The following LUC7L2 variants were observed in gnomAD, a reference collection of about 807,000 sequenced individuals.
LUC7L2 encodes the protein putative RNA-binding protein Luc7-like 2.
Under a neutral mutation model 52.8 loss-of-function variants are expected in LUC7L2, and 25 were observed. The observed-to-expected ratio is 0.47, with a 90% CI of 0.34 to 0.66. LUC7L2 has a LOEUF of 0.66. Ranked by LOEUF, LUC7L2 falls within the 30% of genes least tolerant of loss-of-function variation. The pLI, the probability that LUC7L2 is intolerant of heterozygous loss-of-function variation, is 0.01. For missense variants in LUC7L2, 328 were observed against 497.8 expected, an observed-to-expected ratio of 0.66 and a Z score of 3.25; for synonymous variants, 144 against 160.9, an observed-to-expected ratio of 0.89 and a Z score of 0.80.
chr7:139,405,810 C>G lies in LUC7L2; in HGVS notation c.510+23C>G, dbSNP rs186581982. On this transcript the variant is annotated intron_variant, in intron 5 of 9. Transcript: ENST00000354926. Reference sequence around the variant, plus strand: ...GAGGTAAATTCTTAATAGTAGTAGACGAATTCTGCTTAATTTGGTAAGACT... The same window carrying G: ...GAGGTAAATTCTTAATAGTAGTAGAGGAATTCTGCTTAATTTGGTAAGACT... The G allele has an allele frequency of 1.9e-6, 3 of 1,570,384 alleles. No homozygotes were observed. In the African/African-American group the frequency reaches 4.1e-5, roughly 22 times the overall value.
At chr7:139,353,865 A>T (rs1198485060) in intron 1 of LUC7L2, among the ~76,000 whole-genome samples, 1 of 152,180 alleles carries the variant, frequency 6.6e-6, no homozygotes, top group African/African-American at 2.4e-5. Flanking sequence ...CTGTAATCCC[A>T]GCACTTTGAG....
intron 8 of LUC7L2, among the ~76,000 whole-genome samples, chr7:139,415,812 C>G (rs1338153178): frequency 6.6e-6 from 1 of 151,836 alleles, no homozygotes; most frequent in Non-Finnish European, 1.5e-5. Flanking sequence ...CAGAAATACT[C>G]TTTTTAAGTG....
chr7:139,399,711 C>T (rs1309459857), intron 3 of LUC7L2, among the ~76,000 whole-genome samples: 4 of 151,820 alleles, frequency 2.6e-5, no homozygotes, highest in Non-Finnish European at 5.9e-5. Context: ...CCGCGTGATC[C>T]GCCCGCCTCA....
rs1250949678 is a variant in LUC7L2, at chr7:139,380,598, TA to T, written c.156+4449del. 5.9e-5 allele frequency among the ~76,000 whole-genome samples: 9 copies of T among 152,300 alleles called. No homozygotes were observed. In the South Asian group the frequency reaches 1.9e-3, roughly 32 times the overall value. On this transcript the variant is annotated intron_variant, in intron 2 of 9. Coordinates refer to ENST00000354926, the MANE Select transcript of LUC7L2 (RefSeq NM_016019.5). Reference sequence around the variant, plus strand: ...CTGAGCAAAAGAGCGAGACACCGTTTAAAAAAATAATAATAAAATAAGAAGC... The same window carrying T: ...CTGAGCAAAAGAGCGAGACACCGTTTAAAAAATAATAATAAAATAAGAAGC...
intron 4 of LUC7L2, among the ~76,000 whole-genome samples, chr7:139,404,634 G>A (rs10242419): frequency 0.38 from 58,452 of 152,134 alleles, 15,665 homozygotes; most frequent in African/African-American, 0.76. Flanking sequence ...TACAACAGTA[G>A]GAATGAACTA....
rs745559144 is a variant in LUC7L2, at chr7:139,405,799, A to G, written c.510+12A>G. On this transcript the variant is annotated intron_variant, in intron 5 of 9. Transcript: ENST00000354926. ...AAAGAGAAGCAGAGGTAAATTCTTA[A>G]TAGTAGTAGACGAATTCTGCTTAAT... 3 of 1,590,716 alleles carry G rather than the reference A, an allele frequency of 1.9e-6. No individual in the cohort carries two copies. The highest frequency in any genetic ancestry group is 2.3e-5 in the South Asian group (2 of 85,868).
chr7:139,406,542 T>G (rs371405824), intron 5 of LUC7L2, among the ~76,000 whole-genome samples: 3 of 149,386 alleles, frequency 2.0e-5, no homozygotes, highest in East Asian at 2.0e-4. Context: ...TTAGTAGAGA[T>G]AGGCTTTCAC....
chr7:139,346,902 AATTATTTAGCAATTTCAG>A (rs1563249270), intron 1 of LUC7L2, among the ~76,000 whole-genome samples: 228 of 152,316 alleles, frequency 1.5e-3, no homozygotes, highest in African/African-American at 4.9e-3. Flanking sequence ...TATTTTTCAC[AATTATTTAGCAATTTCAG>A]CTTCTGCAGT....
intron 6 of LUC7L2, among the ~76,000 whole-genome samples, chr7:139,407,728 A>G (rs918843685): frequency 7.2e-5 from 11 of 152,168 alleles, no homozygotes; most frequent in African/African-American, 2.4e-4. Context: ...AATTTGAAAT[A>G]TTTTGCAATT....
At chr7:139,369,488 T>C (rs1800332302) in intron 1 of LUC7L2, among the ~76,000 whole-genome samples, 1 of 152,196 alleles carries the variant, frequency 6.6e-6, no homozygotes, top group Admixed American at 6.5e-5. Context: ...TGTATTAATA[T>C]AATGAGAGAA....
intron 1 of LUC7L2, chr7:139,374,989 A>G (rs981039791): frequency 6.8e-5 from 67 of 985,646 alleles, no homozygotes; most frequent in South Asian, 9.4e-5. Flanking sequence ...TTTGGCACCA[A>G]TAGTTCTTGC....
chr7:139,389,997 CA>C (rs35599162), intron 2 of LUC7L2, among the ~76,000 whole-genome samples: 6 of 151,004 alleles, frequency 4.0e-5, no homozygotes, highest in Non-Finnish European at 5.9e-5. Context: ...GATCCCATCT[CA>C]AAAAAAAATT....
rs1299969007 is a variant in LUC7L2, at chr7:139,360,315, C to T, written c.54C>T (p.Ser18=). 4 of 1,569,202 alleles carry T rather than the reference C, an allele frequency of 2.5e-6. No individual in the cohort carries two copies. The highest frequency in any genetic ancestry group is 3.5e-6 in the Non-Finnish European group (4 of 1,158,140). ...TGCTGGACCAGTTGATGGGCACCTC[C>T]CGGGACGGTAAGTCTCTGCCAGGGC... ...RAMLDQLMGT[S]RDGDTTRQRI... is the part of the protein sequence containing the mutation. Residue 18 remains serine, a synonymous_variant, in exon 1 of 10, where the codon TCC becomes TCT. Coordinates refer to ENST00000354926, the MANE Select transcript of LUC7L2 (RefSeq NM_016019.5).
chr7:139,382,510 A>C (rs1474895083), intron 2 of LUC7L2, among the ~76,000 whole-genome samples: 1 of 151,904 alleles, frequency 6.6e-6, no homozygotes, highest in African/African-American at 2.4e-5. Flanking sequence ...TCTCCCAAGT[A>C]GCTAGAACAA....
chr7:139,416,042 T>A (rs1303439057), intron 8 of LUC7L2: 10 of 4,624 alleles, frequency 2.2e-3, no homozygotes, highest in Admixed American at 8.3e-3. Context: ...AGGTATAAAA[T>A]ATATATATAT....
At chr7:139,400,191 A>G (rs773747708) in intron 3 of LUC7L2, among the ~76,000 whole-genome samples, 10 of 152,090 alleles carry the variant, frequency 6.6e-5, no homozygotes, top group Non-Finnish European at 1.0e-4. Context: ...TAACAAATCT[A>G]TAGCCAGGCG....
At chr7:139,357,469 T>G (rs151278782), upstream of LUC7L2, among the ~76,000 whole-genome samples, 1 of 152,230 alleles carries the variant, frequency 6.6e-6, no homozygotes, top group African/African-American at 2.4e-5. Context: ...CAAAACATAA[T>G]TATTGGTTTT....
At chr7:139,346,414 C>A (rs561905799) in intron 1 of LUC7L2, 27 of 152,172 alleles carry the variant, frequency 1.8e-4, no homozygotes, top group South Asian at 6.2e-4. Flanking sequence ...TACACATATA[C>A]AATTATACAT....
rs199652013 is a variant in LUC7L2 at position 139,412,232 on chromosome 7, C to A, written c.780-319C>A. Among the ~76,000 whole-genome samples, 686 of 145,228 alleles carry A rather than the reference C, an allele frequency of 4.7e-3. 7 individuals carry two copies. Among genetic ancestry groups the A allele is most frequent in the East Asian group, 0.046 (224 of 4,920 alleles). Reference sequence around the variant, plus strand: ...ATGTAAAAATTAAAAAAAAAAAAAACAAAAACAAAAAACAGAAAAAATCCG... The same window carrying A: ...ATGTAAAAATTAAAAAAAAAAAAAAAAAAAACAAAAAACAGAAAAAATCCG... On this transcript the variant is annotated intron_variant, in intron 7 of 9. Coordinates refer to ENST00000354926, the MANE Select transcript of LUC7L2 (RefSeq NM_016019.5).
Sources: gnomAD v4.1 joint callset for allele counts (sites outside exome capture counted in the v4.1 genomes callset) on GRCh38, gnomAD v4.1.1 for gene constraint, MANE v1.5 for transcripts, NCBI Gene and HGNC (gene_info 2026-07-23, HGNC 2026-07-21) for gene names.